Variants in BRINP3 observed in about 807,000 individuals in gnomAD.
BRINP3 encodes the protein BMP/retinoic acid-inducible neural-specific protein 3.
Under a neutral mutation model 71.0 loss-of-function variants are expected in BRINP3, and 19 were observed. That is an observed-to-expected ratio of 0.27 (90% CI 0.19 to 0.39). The LOEUF is 0.39. Among genes scored for constraint, BRINP3 ranks in the 10% least tolerant of loss-of-function variants. BRINP3 has a pLI of 1.00. For missense variants in BRINP3, 959 were observed against 940.8 expected, an observed-to-expected ratio of 1.02 and a Z score of -0.25; for synonymous variants, 380 against 337.7, an observed-to-expected ratio of 1.13 and a Z score of -1.37.
intron 7 of BRINP3, among the ~76,000 whole-genome samples, chr1:190,144,920 T>C (rs564411278): frequency 3.9e-5 from 6 of 152,158 alleles, no homozygotes; most frequent in Non-Finnish European, 8.8e-5. Context: ...CAGATATACA[T>C]ATGGCATACT....
chr1:190,329,817 G>A (rs1332086815), intron 2 of BRINP3, among the ~76,000 whole-genome samples: 1 of 151,792 alleles, frequency 6.6e-6, no homozygotes, highest in East Asian at 1.9e-4. Flanking sequence ...GAACAGGTTA[G>A]AAATCCAGAA....
At chr1:190,372,504 C>A (rs1263488328) in intron 2 of BRINP3, among the ~76,000 whole-genome samples, 1 of 152,142 alleles carries the variant, frequency 6.6e-6, no homozygotes, top group East Asian at 1.9e-4. Context: ...CTGACTGTCA[C>A]AAGATCAAGA....
intron 2 of BRINP3, among the ~76,000 whole-genome samples, chr1:190,313,393 G>C (rs1665664270): frequency 6.6e-6 from 1 of 152,008 alleles, no homozygotes; most frequent in Non-Finnish European, 1.5e-5. Flanking sequence ...AGCGTGAAGG[G>C]TGGTGGGGCA....
chr1:190,110,959 T>C (rs1057169734), intron 7 of BRINP3, among the ~76,000 whole-genome samples: 2 of 151,872 alleles, frequency 1.3e-5, no homozygotes, highest in Non-Finnish European at 2.9e-5. Context: ...TTGGATCACG[T>C]GGTCAGGAGA....
In BRINP3 at chr1:190,236,709, A is replaced by G. The variant is rs570041776; in HGVS notation, c.619-2232T>C. ...TTTAGAGAAATAATGTATAGTGTTGATATGATATGTGTATGTATAATTAAT... is the reference window on the plus strand; with the variant it reads ...TTTAGAGAAATAATGTATAGTGTTGGTATGATATGTGTATGTATAATTAAT... On this transcript the variant is annotated intron_variant, in intron 4 of 7. Transcript: ENST00000367462. Among the ~76,000 whole-genome samples, 6 of 152,090 alleles carry G rather than the reference A, an allele frequency of 3.9e-5. No homozygotes were observed. The East Asian group carries it at 1.2e-3, about 29-fold the overall frequency.
intron 6 of BRINP3, among the ~76,000 whole-genome samples, chr1:190,183,340 TTGGGAATTTAAAATTCCC>T (rs1216656244): frequency 6.6e-6 from 1 of 152,072 alleles, no homozygotes; most frequent in Non-Finnish European, 1.5e-5. Flanking sequence ...AAAATTAAAT[TTGGGAATTTAAAATTCCC>T]AAATTTTAGG....
At chr1:190,193,886 T>C (rs1654257115) in intron 6 of BRINP3, among the ~76,000 whole-genome samples, 1 of 152,088 alleles carries the variant, frequency 6.6e-6, no homozygotes, top group African/African-American at 2.4e-5. Context: ...GCCAATCTTC[T>C]GTGGGTAACA....
intron 2 of BRINP3, among the ~76,000 whole-genome samples, chr1:190,446,878 C>A (rs1675253378): frequency 6.6e-6 from 1 of 151,902 alleles, no homozygotes; most frequent in Admixed American, 6.6e-5. Context: ...CCAGCATATC[C>A]AAATGCAAAG....
At chr1:190,267,968 C>A (rs1267951122) in intron 3 of BRINP3, among the ~76,000 whole-genome samples, 1 of 151,850 alleles carries the variant, frequency 6.6e-6, no homozygotes, top group African/African-American at 2.4e-5. Context: ...GCACAGATAT[C>A]TAAAAATCAT....
intron 2 of BRINP3, among the ~76,000 whole-genome samples, chr1:190,431,986 A>G (rs964088033): frequency 1.3e-5 from 2 of 152,176 alleles, no homozygotes; most frequent in Admixed American, 1.3e-4. Flanking sequence ...CAAAATAAGA[A>G]CCAAATAATG....
intron 6 of BRINP3, among the ~76,000 whole-genome samples, chr1:190,165,266 T>C (rs537129047): frequency 2.0e-5 from 3 of 152,202 alleles, no homozygotes; most frequent in South Asian, 2.1e-4. Flanking sequence ...CTTCTACTTA[T>C]GTTTGTGAAC....
At chr1:190,134,785 G>A (rs1037007725) in intron 7 of BRINP3, among the ~76,000 whole-genome samples, 38 of 152,086 alleles carry the variant, frequency 2.5e-4, no homozygotes, top group African/African-American at 6.5e-4. Flanking sequence ...TGCATAATGC[G>A]CAAACATTAA....
chr1:190,193,301 A>G (rs1654205077), intron 6 of BRINP3, among the ~76,000 whole-genome samples: 1 of 152,054 alleles, frequency 6.6e-6, no homozygotes, highest in Non-Finnish European at 1.5e-5. Flanking sequence ...AGAAGAGATG[A>G]GAGGTAATGT....
intron 6 of BRINP3, among the ~76,000 whole-genome samples, chr1:190,182,456 T>C (rs1046099670): frequency 2.0e-5 from 3 of 152,170 alleles, no homozygotes; most frequent in South Asian, 2.1e-4. Flanking sequence ...CCTTGTCTTA[T>C]TAATTCTTCT....
intron 7 of BRINP3, among the ~76,000 whole-genome samples, chr1:190,151,188 T>C (rs1656364117): frequency 6.6e-6 from 1 of 152,096 alleles, no homozygotes; most frequent in Admixed American, 6.6e-5. Context: ...AGATTCCTAT[T>C]TATTTGGCAG....
chr1:190,154,704 GCATGTCAAAACAAGACA>G (rs1488534132), intron 7 of BRINP3, among the ~76,000 whole-genome samples: 2 of 152,082 alleles, frequency 1.3e-5, no homozygotes, highest in Non-Finnish European at 2.9e-5. Flanking sequence ...GTATAAATCT[GCATGTCAAAACAAGACA>G]CATGAATAAA....
intron 7 of BRINP3, among the ~76,000 whole-genome samples, chr1:190,157,345 C>A (rs895975361): frequency 1.3e-5 from 2 of 152,016 alleles, no homozygotes; most frequent in Non-Finnish European, 2.9e-5. Flanking sequence ...CCACGCAGTT[C>A]AAACTCGTGT....
At chr1:190,187,403 C>T (rs557196121) in intron 6 of BRINP3, among the ~76,000 whole-genome samples, 67 of 152,020 alleles carry the variant, frequency 4.4e-4, no homozygotes, top group Middle Eastern at 3.4e-3. Flanking sequence ...TATTAGTATA[C>T]TTTTGCTTTT....
intron 2 of BRINP3, among the ~76,000 whole-genome samples, chr1:190,290,323 T>A (rs185395064): frequency 1.5e-4 from 23 of 152,224 alleles, no homozygotes; most frequent in African/African-American, 5.5e-4. Context: ...GTTGTGGTAC[T>A]CCAAGCATCT....
Sources: gnomAD v4.1 joint callset for allele counts (sites outside exome capture counted in the v4.1 genomes callset) on GRCh38, gnomAD v4.1.1 for gene constraint, MANE v1.5 for transcripts, NCBI Gene and HGNC (gene_info 2026-07-23, HGNC 2026-07-21) for gene names.